Variants in AP1G1 observed in about 807,000 individuals in gnomAD.
The protein encoded by AP1G1 is adaptor related protein complex 1 subunit gamma 1.
AP1G1 carries 7 observed loss-of-function variants against 108.3 expected under a neutral mutation model. The observed-to-expected ratio is 0.06, with a 90% CI of 0.04 to 0.12. The LOEUF (loss-of-function observed/expected upper bound fraction) is 0.12. Among genes scored for constraint, AP1G1 ranks in the 10% least tolerant of loss-of-function variants. AP1G1 has a pLI of 1.00. For synonymous variants in AP1G1, 379 were observed against 353.5 expected, an observed-to-expected ratio of 1.07 and a Z score of -0.81; for missense variants, 756 against 1,010.7, an observed-to-expected ratio of 0.75 and a Z score of 3.42.
intron 1 of AP1G1, among the ~76,000 whole-genome samples, chr16:71,800,852 G>A (rs1445634301): frequency 1.3e-5 from 2 of 150,956 alleles, no homozygotes; most frequent in African/African-American, 4.9e-5. Flanking sequence ...AAACTTAGCG[G>A]GGCATGGTGG....
chr16:71,756,222 A>G (rs1352820574), intron 11 of AP1G1, 63 bp from the exon 12 acceptor site: 5 of 1,490,988 alleles, frequency 3.4e-6, no homozygotes, highest in Non-Finnish European at 4.5e-6. Context: ...ACAAAGACCC[A>G]GGTATGCACT....
At chr16:71,796,355 G>T (rs2032585322) in intron 1 of AP1G1, among the ~76,000 whole-genome samples, 1 of 152,128 alleles carries the variant, frequency 6.6e-6, no homozygotes, top group Non-Finnish European at 1.5e-5. Flanking sequence ...GGCTTAAAAT[G>T]ACAAAACACT....
chr16:71,804,508 A>G (rs977266632), intron 1 of AP1G1, among the ~76,000 whole-genome samples: 3 of 151,132 alleles, frequency 2.0e-5, no homozygotes, highest in Admixed American at 6.6e-5. Context: ...TCCCTGTTCA[A>G]GCAATCCTCC....
chr16:71,760,230 CTTTTTT>C (rs58466690), intron 10 of AP1G1, among the ~76,000 whole-genome samples: 1 of 129,980 alleles, frequency 7.7e-6, no homozygotes, highest in Non-Finnish European at 1.6e-5. Context: ...ATTTCCACAT[CTTTTTT>C]TTTTTTTTTT....
rs141950851 is a variant in AP1G1, at chr16:71,731,120, A to G, written c.*1938T>C. ...TCCAATGAAATCAGTCTGCAAAGAA[A>G]CCCTTAAAGGCTATTTTTCATTGCA... is the stretch of plus-strand genomic sequence containing the variant. On this transcript the variant is annotated 3_prime_UTR_variant, in exon 23 of 23. Coordinates refer to ENST00000299980, the MANE Select transcript of AP1G1 (RefSeq NM_001128.6). The G allele has an allele frequency of 2.0e-5, 3 of 152,624 alleles. No individual in the cohort carries two copies. In the East Asian group the frequency reaches 5.8e-4, roughly 29 times the overall value. The allele number at this position is 152,624 out of a possible 1,614,324, so 9.5% of individuals were successfully genotyped here.
chr16:71,734,797 G>A, intron 21 of AP1G1, 90 bp from the exon 22 acceptor site: 1 of 1,028,000 alleles, frequency 9.7e-7, no homozygotes, highest in Non-Finnish European at 1.5e-6. Context: ...CCAGATGATG[G>A]GTCAAGCAAC....
chr16:71,764,780 C>G, intron 7 of AP1G1, 54 bp from the exon 8 acceptor site: 1 of 1,143,734 alleles, frequency 8.7e-7, no homozygotes, highest in Non-Finnish European at 1.3e-6. Flanking sequence ...ACAAAGAAAT[C>G]TCACTTGGTA....
At chr16:71,761,830 A>G (rs953943006) in intron 9 of AP1G1, among the ~76,000 whole-genome samples, 3 of 151,358 alleles carry the variant, frequency 2.0e-5, no homozygotes, top group Admixed American at 6.6e-5. Flanking sequence ...AAAAAAAAAA[A>G]AAAAAAAAAG....
intron 4 of AP1G1, chr16:71,772,992 T>C: frequency 1.6e-6 from 1 of 613,866 alleles, no homozygotes. Flanking sequence ...TCAGATAACT[T>C]AGGAATTTGG....
Position 71,733,083 on chromosome 16 carries a change from T to G in AP1G1, c.2444A>C (p.Asn815Thr), listed in dbSNP as rs2045489493. The G allele has an allele frequency of 1.2e-6, 2 of 1,613,914 alleles. No individual in the cohort carries two copies. Among genetic ancestry groups the G allele is most frequent in the African/African-American group, 2.7e-5 (2 of 74,918 alleles). ...TCATTGCCAGGACTGAGGGGGAAAG[T>G]TGTTCACCTCTGCTAGATCTTGCAT... ...SAMQDLAEVN[N>T]FPPQSWQ is the part of the protein sequence containing the mutation. Residue 815 changes from asparagine to threonine, a missense_variant, in exon 23 of 23, where the codon AAC becomes ACC. By Grantham distance (65) the Asn-to-Thr change is moderately conservative. Around this residue, in one of 3 missense-constraint regions of AP1G1, gnomAD observed 95 missense variants for 160.5 expected, o/e 0.59. Transcript: ENST00000299980.
chr16:71,756,668 G>T (rs578094571), intron 11 of AP1G1, among the ~76,000 whole-genome samples: 2 of 152,188 alleles, frequency 1.3e-5, no homozygotes, highest in Non-Finnish European at 2.9e-5. Context: ...AAGGCCGAGC[G>T]TGGTGGCTCA....
chr16:71,772,288 C>T (rs1300165422), intron 4 of AP1G1, among the ~76,000 whole-genome samples: 2 of 152,006 alleles, frequency 1.3e-5, no homozygotes, highest in Non-Finnish European at 2.9e-5. Flanking sequence ...CCACCACGCC[C>T]GGCTAATTTT....
chr16:71,787,576 G>A (rs1051479860), intron 2 of AP1G1, among the ~76,000 whole-genome samples: 1 of 152,160 alleles, frequency 6.6e-6, no homozygotes, highest in Non-Finnish European at 1.5e-5. Context: ...TTATCGCTGA[G>A]GAATTAAGAG....
At chr16:71,748,832 G>T (rs561753249) in intron 15 of AP1G1, among the ~76,000 whole-genome samples, 1 of 152,186 alleles carries the variant, frequency 6.6e-6, no homozygotes, top group Non-Finnish European at 1.5e-5. Flanking sequence ...CACTAGGACA[G>T]AGACTTGGGC....
At chr16:71,798,169 G>A (rs1464473222) in intron 1 of AP1G1, among the ~76,000 whole-genome samples, 1 of 152,126 alleles carries the variant, frequency 6.6e-6, no homozygotes, top group African/African-American at 2.4e-5. Context: ...GTTAAGGCTG[G>A]GTGCGGTGGC....
At chr16:71,752,634 T>C (rs34366687) in intron 13 of AP1G1, among the ~76,000 whole-genome samples, 16,741 of 152,144 alleles carry the variant, frequency 0.11, 1,569 homozygotes, top group East Asian at 0.45. Flanking sequence ...TGTCCTATTA[T>C]TTTTTCAGGC....
chr16:71,800,760 C>T lies in AP1G1; in HGVS notation c.-4+8003G>A, dbSNP rs1439081649. Reference sequence around the variant, plus strand: ...AACTTGCAGTGAGCTGGGATCGCGCCACTGCACTCCAGCCTGGGCAACACA... The same window carrying T: ...AACTTGCAGTGAGCTGGGATCGCGCTACTGCACTCCAGCCTGGGCAACACA... On this transcript the variant is annotated intron_variant, in intron 1 of 22. Coordinates refer to ENST00000299980, the MANE Select transcript of AP1G1 (RefSeq NM_001128.6). 2.0e-5 allele frequency among the ~76,000 whole-genome samples: 3 copies of T among 151,950 alleles called. No homozygotes were observed. The East Asian group carries it at 5.8e-4, about 29-fold the overall frequency.
chr16:71,786,940 C>T lies in AP1G1; in HGVS notation c.201+2339G>A, dbSNP rs11865253. Reference sequence around the variant, plus strand: ...TAGCCGGGTGTGGTTCCCAGAAGGTCGAGGCTGCAGTGAGCCCAGTAGAAA... The same window carrying T: ...TAGCCGGGTGTGGTTCCCAGAAGGTTGAGGCTGCAGTGAGCCCAGTAGAAA... On this transcript the variant is annotated intron_variant, in intron 2 of 22. Transcript: ENST00000299980. Among the ~76,000 whole-genome samples, 659 of 151,312 alleles carry T rather than the reference C, an allele frequency of 4.4e-3. 11 individuals carry two copies. The highest frequency in any genetic ancestry group is 0.015 in the African/African-American group (638 of 41,184).
chr16:71,780,962 C>A (rs1226220178), intron 2 of AP1G1, among the ~76,000 whole-genome samples: 9 of 152,028 alleles, frequency 5.9e-5, no homozygotes, highest in Non-Finnish European at 8.8e-5. Flanking sequence ...GAATTACATG[C>A]ATGAGCCACT....
Sources: allele counts gnomAD v4.1 joint callset (sites outside exome capture counted in the v4.1 genomes callset), GRCh38; gene constraint gnomAD v4.1.1; regional missense constraint gnomAD v4.1.1; transcripts MANE v1.5; gene names NCBI Gene and HGNC (gene_info 2026-07-23, HGNC 2026-07-21).